DNAH7: variants seen among roughly 807,000 people sequenced by gnomAD.
The protein encoded by DNAH7 is axonemal beta dynein heavy chain 7.
A neutral mutation model predicts 444.6 loss-of-function variants in DNAH7; 397 were observed. The ratio of observed to expected loss-of-function variants is 0.89; its 90% confidence interval spans 0.82 to 0.97. The LOEUF (loss-of-function observed/expected upper bound fraction) is 0.97, where lower values mean the gene tolerates loss of function less well. Ranked by LOEUF, DNAH7 falls within the 50% of genes least tolerant of loss-of-function variation. DNAH7 has a pLI of 0.00. For synonymous variants in DNAH7, 1,636 were observed against 1,624.4 expected, an observed-to-expected ratio of 1.01 and a Z score of -0.17; for missense variants, 4,902 against 4,800.8, an observed-to-expected ratio of 1.02 and a Z score of -0.62.
chr2:195,874,078 G>A (rs906644674), intron 38 of DNAH7, among the ~76,000 whole-genome samples: 6 of 152,188 alleles, frequency 3.9e-5, no homozygotes, highest in Non-Finnish European at 7.4e-5. Context: ...CGTAACTCTG[G>A]TGAATCTGAC....
intron 63 of DNAH7, among the ~76,000 whole-genome samples, chr2:195,742,588 G>A (rs1235684343): frequency 6.6e-6 from 1 of 152,164 alleles, no homozygotes. Context: ...TGAGGATATA[G>A]ATACATAGAA....
rs1046553367 is a variant in DNAH7, at chr2:195,837,130, A to G, written c.8946-2770T>C. ...GTTTATTCCTTTAAAGGAAGGGTCCATGCTCATTCTTTATTCTTTTTTTCC... is the reference window on the plus strand; with the variant it reads ...GTTTATTCCTTTAAAGGAAGGGTCCGTGCTCATTCTTTATTCTTTTTTTCC... On this transcript the variant is annotated intron_variant, in intron 47 of 64. Transcript: ENST00000312428. Among the ~76,000 whole-genome samples, 6 of 152,218 alleles carry G rather than the reference A, an allele frequency of 3.9e-5. No homozygotes were observed. In the East Asian group the frequency reaches 1.2e-3, roughly 29 times the overall value.
intron 15 of DNAH7, among the ~76,000 whole-genome samples, chr2:195,974,198 T>G (rs536347245): frequency 7.7e-4 from 118 of 152,330 alleles, no homozygotes; most frequent in Middle Eastern, 3.4e-3. Context: ...TTATTCTAAT[T>G]AGACTAAATG....
At chr2:195,826,969 G>C (rs139190555) in intron 48 of DNAH7, among the ~76,000 whole-genome samples, 102 of 152,148 alleles carry the variant, frequency 6.7e-4, no homozygotes, top group African/African-American at 2.5e-3. Flanking sequence ...TATCCTTTAA[G>C]GGTGTTTCCT....
intron 8 of DNAH7, among the ~76,000 whole-genome samples, chr2:196,023,476 T>C (rs752579777): frequency 1.3e-5 from 2 of 152,252 alleles, no homozygotes; most frequent in Non-Finnish European, 2.9e-5. Context: ...AGATTGCTTC[T>C]TTTCTTAAAC....
At chr2:195,849,786 A>G (rs1430286014) in intron 46 of DNAH7, among the ~76,000 whole-genome samples, 1 of 152,008 alleles carries the variant, frequency 6.6e-6, no homozygotes. Flanking sequence ...TATTTTTTGT[A>G]GAGACAGGGT....
Position 196,062,637 on chromosome 2 carries a change from C to T in DNAH7, c.16-4521G>A, listed in dbSNP as rs116091700. ...TTACGATCACACCTTCATTGTTCTT[C>T]TATCCTTCATCTACAAGCAGTTGGG... On this transcript the variant is annotated intron_variant, in intron 1 of 64. Coordinates refer to ENST00000312428, the MANE Select transcript of DNAH7 (RefSeq NM_018897.3). Among the ~76,000 whole-genome samples the T allele has an allele frequency of 9.9e-3, 1,508 of 152,174 alleles. 18 individuals are homozygous for T. Among genetic ancestry groups the T allele is most frequent in the Non-Finnish European group, 0.013 (893 of 68,004 alleles).
At chr2:195,958,520 C>T (rs1298137175) in intron 18 of DNAH7, among the ~76,000 whole-genome samples, 1 of 152,068 alleles carries the variant, frequency 6.6e-6, no homozygotes, top group Admixed American at 6.5e-5. Context: ...CCCCTAAAAC[C>T]CCAAATTGTT....
chr2:196,058,650 T>A (rs886480000), intron 1 of DNAH7, among the ~76,000 whole-genome samples: 1 of 152,122 alleles, frequency 6.6e-6, no homozygotes, highest in Admixed American at 6.5e-5. Context: ...GTAAGACCTA[T>A]ACAATGAAAC....
chr2:195,916,595 C>T (rs1680905985), intron 24 of DNAH7, among the ~76,000 whole-genome samples: 1 of 152,180 alleles, frequency 6.6e-6, no homozygotes, highest in South Asian at 2.1e-4. Context: ...CAGTGGCCCA[C>T]ACCTGTAATC....
chr2:195,847,579 C>T (rs1699084771), intron 46 of DNAH7, among the ~76,000 whole-genome samples: 1 of 151,052 alleles, frequency 6.6e-6, no homozygotes, highest in South Asian at 2.1e-4. Flanking sequence ...AATCTGTACA[C>T]CGAACCCTGT....
At position 195,806,803 on chromosome 2, in the gene DNAH7, T is replaced by C. The variant is rs1286498257; in HGVS notation, c.10113A>G (p.Glu3371=). 6.2e-7 allele frequency: 1 copy of C among 1,613,586 alleles called. No homozygotes were observed. Among genetic ancestry groups the C allele is most frequent in the South Asian group, 1.1e-5 (1 of 91,062 alleles). Residue 3371 remains glutamate (E), a synonymous_variant, in exon 54 of 65, where the codon GAA becomes GAG. Transcript: ENST00000312428. ...LEPHHEVFPE[E]WEDKANEFQR... ...GAAACTCATTTGCTTTATCTTCCCA[T>C]TCTTCAGGGAAAACCTCATGGTGTG...
chr2:196,006,363 C>A (rs371332968), intron 10 of DNAH7, among the ~76,000 whole-genome samples: 1 of 151,978 alleles, frequency 6.6e-6, no homozygotes, highest in Non-Finnish European at 1.5e-5. Context: ...CTCAGGAATT[C>A]AAGGTTGGTT....
At chr2:195,786,572 T>A (rs63420160) in intron 58 of DNAH7, among the ~76,000 whole-genome samples, 8 of 151,832 alleles carry the variant, frequency 5.3e-5, no homozygotes, top group African/African-American at 7.3e-5. Flanking sequence ...TAAATAGATT[T>A]TTTTTTTTTT....
At chr2:195,779,799 T>C (rs1053004667) in intron 58 of DNAH7, among the ~76,000 whole-genome samples, 3 of 151,902 alleles carry the variant, frequency 2.0e-5, no homozygotes, top group African/African-American at 7.3e-5. Flanking sequence ...AATGGTGGGG[T>C]TTCACCATGT....
At chr2:195,964,506 T>C (rs1385687100) in intron 17 of DNAH7, among the ~76,000 whole-genome samples, 1 of 151,382 alleles carries the variant, frequency 6.6e-6, no homozygotes, top group Non-Finnish European at 1.5e-5. Context: ...GTAACTTTAC[T>C]GAATTTATCA....
chr2:195,930,939 C>T (rs10166914), intron 21 of DNAH7, among the ~76,000 whole-genome samples: 8,702 of 152,056 alleles, frequency 0.057, 408 homozygotes, highest in African/African-American at 0.14. Context: ...AATCAAATAC[C>T]ACACGTTCCC....
At chr2:195,748,134 A>G (rs1158921500) in intron 63 of DNAH7, among the ~76,000 whole-genome samples, 2 of 152,238 alleles carry the variant, frequency 1.3e-5, no homozygotes, top group Non-Finnish European at 2.9e-5. Context: ...AACTTCAGCA[A>G]TGTCTCAGGA....
intron 9 of DNAH7, among the ~76,000 whole-genome samples, chr2:196,015,732 T>G (rs534705092): frequency 6.6e-6 from 1 of 152,354 alleles, no homozygotes; most frequent in Admixed American, 6.5e-5. Context: ...CCCAACCCAC[T>G]GCCACACATA....
Sources: allele counts gnomAD v4.1 joint callset (sites outside exome capture counted in the v4.1 genomes callset), GRCh38; gene constraint gnomAD v4.1.1; transcripts MANE v1.5; gene names NCBI Gene and HGNC (gene_info 2026-07-23, HGNC 2026-07-21).